Variants in ZNF333 observed in about 807,000 individuals in gnomAD.
The protein encoded by ZNF333 is zinc finger protein 333.
In ZNF333, 61 loss-of-function variants were observed where a neutral mutation model predicts 76.1. That is an observed-to-expected ratio of 0.80 (90% CI 0.65 to 0.99). ZNF333 has a LOEUF of 0.99. Ranked by LOEUF, ZNF333 falls within the 50% of genes least tolerant of loss-of-function variation. The pLI is 0.00. For synonymous variants in ZNF333, 284 were observed against 305.0 expected, an observed-to-expected ratio of 0.93 and a Z score of 0.72; for missense variants, 717 against 822.4, an observed-to-expected ratio of 0.87 and a Z score of 1.57.
At chr19:14,732,655 A>G (rs960516962) in exon 12 of ZNF333, 2 of 152,214 alleles carry the variant, frequency 1.3e-5, no homozygotes, top group African/African-American at 4.8e-5. Flanking sequence ...AAACAAATAA[A>G]AAGAAGAATG....
chr19:14,733,329 G>A (rs1286636947), exon 12 of ZNF333: 1 of 151,994 alleles, frequency 6.6e-6, no homozygotes, highest in Non-Finnish European at 1.5e-5. Flanking sequence ...AAAACTATAA[G>A]CAGCCAAAAA....
intron 4 of ZNF333, among the ~76,000 whole-genome samples, chr19:14,695,936 T>C (rs1388415570): frequency 6.6e-6 from 1 of 152,172 alleles, no homozygotes; most frequent in Non-Finnish European, 1.5e-5. Flanking sequence ...CCCAGCACTT[T>C]GGGAGGCCGA....
Position 14,720,201 on chromosome 19 carries a change from A to T in ZNF333, c.*876A>T. On this transcript the variant is annotated 3_prime_UTR_variant, in exon 12 of 12. Coordinates refer to ENST00000292530, the MANE Select transcript of ZNF333 (RefSeq NM_032433.4). ...ACTCTGTCTCAAAAATAATAATAAT[A>T]AAAAAAAGCTTCCATCTCCCAGCCC... 4.1e-6 allele frequency: 4 copies of T among 982,470 alleles called. No homozygotes were observed. The highest frequency in any genetic ancestry group is 3.6e-6 in the Non-Finnish European group (3 of 827,458). 60.9% of individuals were successfully genotyped at this position (982,470 alleles called of 1,614,324 possible).
intron 5 of ZNF333, 39 bp downstream of exon 5, chr19:14,699,320 A>G (rs1404588917): frequency 6.4e-7 from 1 of 1,574,398 alleles, no homozygotes; most frequent in East Asian, 2.2e-5. Context: ...CCAGCATGGG[A>G]GAAGTTGAGG....
intron 5 of ZNF333, among the ~76,000 whole-genome samples, chr19:14,704,514 C>T (rs765280873): frequency 2.0e-5 from 3 of 152,104 alleles, no homozygotes; most frequent in Non-Finnish European, 2.9e-5. Context: ...TAAAGACATA[C>T]CCGAGACTGG....
chr19:14,708,251 G>A (rs1349700667), intron 7 of ZNF333: 20 of 397,094 alleles, frequency 5.0e-5, no homozygotes, highest in East Asian at 1.8e-4. Flanking sequence ...CAGGTGATCC[G>A]CCCACCTCGG....
chr19:14,729,361 T>A (rs1031807887), intron 11 of ZNF333, among the ~76,000 whole-genome samples: 1 of 125,338 alleles, frequency 8.0e-6, no homozygotes, highest in Non-Finnish European at 1.7e-5. Context: ...AACGATACAC[T>A]TTTTTTTTTT....
rs150030954 is a variant in ZNF333, at chr19:14,717,067, C to A, written c.801C>A (p.Gly267=). The part of the protein sequence containing the change: ...ERGEQWTTDR[G]VLSDTCAEPQ... ...GAGAGCAGTGGACCACTGACAGGGGCGTCCTCTCAGACACCTGTGCAGGTG... is the reference window on the plus strand; with the variant it reads ...GAGAGCAGTGGACCACTGACAGGGGAGTCCTCTCAGACACCTGTGCAGGTG... The change falls in exon 10 of 12, where the codon GGC becomes GGA. Residue 267 remains glycine, a synonymous_variant. Transcript: ENST00000292530. 1.1e-5 allele frequency: 17 copies of A among 1,608,668 alleles called. No individual in the cohort carries two copies. Among genetic ancestry groups the A allele is most frequent in the Middle Eastern group, 1.7e-4 (1 of 6,042 alleles).
At chr19:14,699,554 A>G (rs1346550278) in intron 5 of ZNF333, 1 of 324,918 alleles carries the variant, frequency 3.1e-6, no homozygotes, top group Non-Finnish European at 5.8e-6. Flanking sequence ...TCCACCTCCC[A>G]GGATCGAGTG....
exon 12 of ZNF333, chr19:14,731,311 G>A (rs1463537174): frequency 1.0e-6 from 1 of 964,826 alleles, no homozygotes; most frequent in Non-Finnish European, 1.6e-6. Context: ...GAAGCTTGCA[G>A]GTCAGTGGCC....
chr19:14,693,302 T>C (rs1055758631), intron 1 of ZNF333, 149 bp from the exon 2 acceptor site: 71 of 477,006 alleles, frequency 1.5e-4, no homozygotes, highest in Non-Finnish European at 2.1e-4. Flanking sequence ...GAGGCTGTTG[T>C]TTGAAAGGTG....
At chr19:14,728,541 T>G (rs539182533) in intron 11 of ZNF333, among the ~76,000 whole-genome samples, 1 of 152,210 alleles carries the variant, frequency 6.6e-6, no homozygotes, top group African/African-American at 2.4e-5. Context: ...ACATCACTTA[T>G]AAATGTATTC....
chr19:14,692,203 T>C (rs552826764), intron 1 of ZNF333, among the ~76,000 whole-genome samples: 1 of 152,288 alleles, frequency 6.6e-6, no homozygotes, highest in South Asian at 2.1e-4. Context: ...AAAGGCAATA[T>C]GAGAACGTGG....
intron 3 of ZNF333, 33 bp downstream of exon 3, chr19:14,695,166 C>T (rs767709996): frequency 8.7e-6 from 14 of 1,603,922 alleles, no homozygotes; most frequent in African/African-American, 4.0e-5. Context: ...CCTTCCTGTA[C>T]GCAGGCACTA....
rs2042559338 is a variant in ZNF333, at chr19:14,720,227, T to A, written c.*902T>A. 18 of 985,254 alleles carry A rather than the reference T, an allele frequency of 1.8e-5. No individual in the cohort carries two copies. Among genetic ancestry groups the A allele is most frequent in the Admixed American group, 6.1e-5 (1 of 16,262 alleles). The allele number at this position is 985,254 out of a possible 1,614,324, so 61.0% of individuals were successfully genotyped here. On this transcript the variant is annotated 3_prime_UTR_variant, in exon 12 of 12. Coordinates refer to ENST00000292530, the MANE Select transcript of ZNF333 (RefSeq NM_032433.4). ...AAAAAAAGCTTCCATCTCCCAGCCC[T>A]TCTTGCAAGCAAGGGCAGGCCATTT... is the stretch of plus-strand genomic sequence containing the variant.
At chr19:14,726,220 G>A (rs942379841), downstream of ZNF333, among the ~76,000 whole-genome samples, 3 of 152,214 alleles carry the variant, frequency 2.0e-5, no homozygotes, top group African/African-American at 7.2e-5. Context: ...CTGGAACGTG[G>A]AGAATGGTGT....
At chr19:14,733,562 C>T (rs774793359) in exon 12 of ZNF333, 1 of 151,038 alleles carries the variant, frequency 6.6e-6, no homozygotes, top group Non-Finnish European at 1.5e-5. Flanking sequence ...AAAGCAAACA[C>T]ACCACTCTCC....
rs1233558181 is a variant in ZNF333 at position 14,716,985 on chromosome 19, C to A, written c.728-9C>A. The A allele has an allele frequency of 1.9e-6, 3 of 1,606,794 alleles. No homozygotes were observed. Among genetic ancestry groups the A allele is most frequent in the African/African-American group, 1.3e-5 (1 of 74,822 alleles). On this transcript the variant is annotated splice_polypyrimidine_tract_variant and intron_variant, in intron 9 of 11. Coordinates refer to ENST00000292530, the MANE Select transcript of ZNF333 (RefSeq NM_032433.4). ...CCTCGCACAACATGTGTTTTTTTCT[C>A]ATGAGCAGCTGATCAACTGTGCAAA...
In ZNF333 at chr19:14,698,899, G is replaced by GATATATATAT. The variant is rs60299211; in HGVS notation, c.224-272_224-263dup. On this transcript the variant is annotated intron_variant, in intron 4 of 11. Transcript: ENST00000292530. The stretch of plus-strand genomic sequence containing the variant: ...ATGTGTGTACACACACACAAATATA[G>GATATATATAT]ATATATATATATATATATATATATA... Among the ~76,000 whole-genome samples the GATATATATAT allele has an allele frequency of 2.5e-3, 336 of 132,570 alleles. 1 individual carries two copies. Among genetic ancestry groups the GATATATATAT allele is most frequent in the African/African-American group, 6.3e-3 (222 of 35,436 alleles). The allele number at this position is 132,570 out of a possible 152,430, so 87.0% of individuals were successfully genotyped here.
Sources: gnomAD v4.1 joint callset for allele counts (sites outside exome capture counted in the v4.1 genomes callset) on GRCh38, gnomAD v4.1.1 for gene constraint, MANE v1.5 for transcripts, NCBI Gene and HGNC (gene_info 2026-07-23, HGNC 2026-07-21) for gene names.